Variants in GNAI3 observed in about 807,000 individuals in gnomAD.
The protein encoded by GNAI3 is guanine nucleotide-binding protein G(i) subunit alpha-3.
Under a neutral mutation model 41.8 loss-of-function variants are expected in GNAI3, and 12 were observed. The ratio of observed to expected loss-of-function variants is 0.29; its 90% CI spans 0.18 to 0.47. The LOEUF (loss-of-function observed/expected upper bound fraction) is 0.47. Among genes scored for constraint, GNAI3 ranks in the 20% least tolerant of loss-of-function variants. The probability of loss-of-function intolerance (pLI) is 1.00; values close to 1 mark genes in which losing one functional copy is unlikely to be tolerated. For synonymous variants in GNAI3, 132 were observed against 146.5 expected, an observed-to-expected ratio of 0.90 and a Z score of 0.71; for missense variants, 360 against 429.6, an observed-to-expected ratio of 0.84 and a Z score of 1.43.
In GNAI3 at chr1:109,595,910, TG is replaced by T. The variant is rs1171424164; in HGVS notation, c.*3591del. 1 of 152,168 alleles carries T rather than the reference TG, an allele frequency of 6.6e-6. No homozygotes were observed. The allele number at this position is 152,168 out of a possible 1,614,324, so 9.4% of individuals were successfully genotyped here. A position where few individuals can be genotyped will look rare whatever the true frequency, so the allele number is the denominator to read the frequency against. ...TGTTTTCCTTGAGCGTTAGTACTTG[TG>T]GGTTCTTTCCTTTTCATGTGTAATA... On this transcript the variant is annotated 3_prime_UTR_variant, in exon 9 of 9. Transcript: ENST00000369851.
At chr1:109,586,019 C>T (rs563913739) in intron 5 of GNAI3, among the ~76,000 whole-genome samples, 197 bp from the exon 6 acceptor site, 2 of 152,114 alleles carry the variant, frequency 1.3e-5, no homozygotes, top group Non-Finnish European at 2.9e-5. Flanking sequence ...CTAGATTATT[C>T]ACAAGTTTTA....
chr1:109,560,341 A>G (rs1401250387), intron 1 of GNAI3, among the ~76,000 whole-genome samples: 1 of 152,186 alleles, frequency 6.6e-6, no homozygotes. Context: ...TTGGAAGTAG[A>G]TAGTATTCTA....
At chr1:109,551,316 AGCAAAAT>A (rs1350027349) in intron 1 of GNAI3, among the ~76,000 whole-genome samples, 1 of 152,220 alleles carries the variant, frequency 6.6e-6, no homozygotes, top group East Asian at 1.9e-4. Context: ...TATTTCTATA[AGCAAAAT>A]GTACCCAAAA....
chr1:109,583,914 C>T (rs1240873183), intron 5 of GNAI3, among the ~76,000 whole-genome samples: 1 of 152,226 alleles, frequency 6.6e-6, no homozygotes, highest in Non-Finnish European at 1.5e-5. Flanking sequence ...TAAAACAAGC[C>T]TCAGCTTGTC....
intron 1 of GNAI3, among the ~76,000 whole-genome samples, chr1:109,551,982 C>T (rs1394255704): frequency 6.6e-6 from 1 of 151,804 alleles, no homozygotes; most frequent in African/African-American, 2.4e-5. Context: ...GCCAACATGG[C>T]GAAACCCCAT....
intron 1 of GNAI3, among the ~76,000 whole-genome samples, chr1:109,564,311 G>A (rs769263802): frequency 4.0e-5 from 6 of 150,414 alleles, no homozygotes; most frequent in Non-Finnish European, 8.9e-5. Context: ...GCTTGTTCCC[G>A]TCTCTTTCTC....
chr1:109,553,949 G>A (rs1431673209), intron 1 of GNAI3, among the ~76,000 whole-genome samples: 2 of 152,128 alleles, frequency 1.3e-5, no homozygotes, highest in Admixed American at 1.3e-4. Context: ...AAGTGAGAAC[G>A]TACGATGTTT....
chr1:109,576,501 T>G (rs1172775235), intron 3 of GNAI3, among the ~76,000 whole-genome samples: 1 of 151,616 alleles, frequency 6.6e-6, no homozygotes, highest in Non-Finnish European at 1.5e-5. Context: ...GGGCCTCTTC[T>G]GTTTTTTTTT....
Position 109,591,597 on chromosome 1 carries a change from C to T in GNAI3, c.875-446C>T. The stretch of plus-strand genomic sequence containing the variant: ...TGCGCGGGGACTGTGCTAATCTTCT[C>T]TGTATTGTTCCAATTTTAGTACATG... On this transcript the variant is annotated intron_variant, in intron 7 of 8. Coordinates refer to ENST00000369851, the MANE Select transcript of GNAI3 (RefSeq NM_006496.4). 6.0e-6 allele frequency: 3 copies of T among 501,706 alleles called. No homozygotes were observed. In the South Asian group the frequency reaches 6.8e-5, roughly 11 times the overall value. The allele number at this position is 501,706 out of a possible 1,614,324, so 31.1% of individuals were successfully genotyped here. A position where few individuals can be genotyped will look rare whatever the true frequency, so the allele number is the denominator to read the frequency against.
chr1:109,555,967 T>TGC (rs1553222507), intron 1 of GNAI3, among the ~76,000 whole-genome samples: 2,591 of 86,666 alleles, frequency 0.03, 65 homozygotes, highest in Admixed American at 0.092. Flanking sequence ...TGCGTGCGTG[T>TGC]GTGTGTGTGT....
intron 1 of GNAI3, among the ~76,000 whole-genome samples, chr1:109,559,226 G>C (rs1648246635): frequency 6.6e-6 from 1 of 151,992 alleles, no homozygotes; most frequent in African/African-American, 2.4e-5. Flanking sequence ...GTCTAGAGCA[G>C]TCTGCACTAA....
chr1:109,565,106 CA>C (rs1218021620), intron 1 of GNAI3, among the ~76,000 whole-genome samples: 1 of 151,574 alleles, frequency 6.6e-6, no homozygotes, highest in Non-Finnish European at 1.5e-5. Flanking sequence ...ACTAAAACTA[CA>C]AAAAAAATCG....
chr1:109,591,578 G>T, intron 7 of GNAI3: 1 of 610,680 alleles, frequency 1.6e-6, no homozygotes, highest in South Asian at 1.7e-5. Flanking sequence ...TCCTTGCGCG[G>T]GGACTGTGCT....
At chr1:109,553,753 T>C (rs1648066860) in intron 1 of GNAI3, among the ~76,000 whole-genome samples, 1 of 152,230 alleles carries the variant, frequency 6.6e-6, no homozygotes, top group South Asian at 2.1e-4. Flanking sequence ...AGGTTATGTT[T>C]GGTTACGTGA....
At chr1:109,585,632 A>G (rs1004982174) in intron 5 of GNAI3, among the ~76,000 whole-genome samples, 1 of 152,144 alleles carries the variant, frequency 6.6e-6, no homozygotes, top group Non-Finnish European at 1.5e-5. Flanking sequence ...GAGTCAGAAC[A>G]TGGGTGCTGG....
intron 4 of GNAI3, 59 bp downstream of exon 4, chr1:109,579,420 T>A (rs944150514): frequency 3.3e-6 from 4 of 1,222,596 alleles, no homozygotes; most frequent in African/African-American, 3.0e-5. Context: ...ACTACAGAAA[T>A]TTTAGTCCCC....
At chr1:109,570,313 A>G (rs1312771945) in intron 1 of GNAI3, among the ~76,000 whole-genome samples, 1 of 152,256 alleles carries the variant, frequency 6.6e-6, no homozygotes, top group African/African-American at 2.4e-5. Context: ...AGTAAAGTTG[A>G]GAAATATTTA....
chr1:109,566,807 C>A (rs1648466364), intron 1 of GNAI3, among the ~76,000 whole-genome samples: 1 of 152,208 alleles, frequency 6.6e-6, no homozygotes, highest in African/African-American at 2.4e-5. Flanking sequence ...AGGTGATCCA[C>A]CCGCCTCGGC....
chr1:109,568,188 G>C (rs1648505586), intron 1 of GNAI3, among the ~76,000 whole-genome samples: 2 of 151,992 alleles, frequency 1.3e-5, no homozygotes, highest in Non-Finnish European at 2.9e-5. Context: ...TGTTATTGAG[G>C]GGTGGAGAGC....
Sources: allele counts gnomAD v4.1 joint callset (sites outside exome capture counted in the v4.1 genomes callset), GRCh38; gene constraint gnomAD v4.1.1; transcripts MANE v1.5; gene names NCBI Gene and HGNC (gene_info 2026-07-23, HGNC 2026-07-21).